The following GRM7 variants were observed in gnomAD, a reference collection of about 807,000 sequenced individuals.
The protein encoded by GRM7 is glutamate metabotropic receptor 7, also known as metabotropic glutamate receptor 7.
Under a neutral mutation model 84.5 loss-of-function variants are expected in GRM7, and 35 were observed. The ratio of observed to expected loss-of-function variants is 0.41; its 90% CI spans 0.32 to 0.55. The LOEUF (loss-of-function observed/expected upper bound fraction) is 0.55, where lower values mean the gene tolerates loss of function less well. Among genes scored for constraint, GRM7 ranks in the 20% least tolerant of loss-of-function variants. The pLI, the probability that GRM7 is intolerant of heterozygous loss-of-function variation, is 0.19. For missense variants in GRM7, 1,003 were observed against 1,194.6 expected (o/e 0.84, Z 2.36); for synonymous variants, 487 against 455.1 (o/e 1.07, Z -0.89).
chr3:7,466,754 T>C (rs1440737763), intron 7 of GRM7, among the ~76,000 whole-genome samples: 1 of 152,246 alleles, frequency 6.6e-6, no homozygotes, highest in Non-Finnish European at 1.5e-5. Context: ...TCTGGATAAC[T>C]GAAGTTCTAC....
intron 8 of GRM7, among the ~76,000 whole-genome samples, chr3:7,665,738 C>G (rs941038081): frequency 6.6e-6 from 1 of 152,120 alleles, no homozygotes; most frequent in Non-Finnish European, 1.5e-5. Flanking sequence ...AAGACCTCAA[C>G]TTTCTTCTTA....
At chr3:7,511,966 A>T (rs1441559158) in intron 7 of GRM7, among the ~76,000 whole-genome samples, 1 of 152,052 alleles carries the variant, frequency 6.6e-6, no homozygotes, top group South Asian at 2.1e-4. Flanking sequence ...ACATAGTGAG[A>T]CACTGTCTCC....
chr3:7,088,215 T>G (rs112023520), intron 1 of GRM7, among the ~76,000 whole-genome samples: 175 of 150,234 alleles, frequency 1.2e-3, no homozygotes, highest in South Asian at 2.1e-3. Context: ...GGGATTGAAC[T>G]GTCCCACAGA....
chr3:7,581,867 T>TTC (rs2125055775), intron 8 of GRM7, among the ~76,000 whole-genome samples: 1 of 152,170 alleles, frequency 6.6e-6, no homozygotes, highest in Admixed American at 6.5e-5. Flanking sequence ...TTATTTTTTT[T>TTC]TTGCAAAATA....
chr3:7,575,519 C>A (rs896435201), intron 7 of GRM7, among the ~76,000 whole-genome samples: 3 of 152,106 alleles, frequency 2.0e-5, no homozygotes, highest in Non-Finnish European at 4.4e-5. Context: ...GCATTTTCAG[C>A]TGATTGTTTC....
chr3:7,397,732 C>T (rs1385175514), intron 4 of GRM7, among the ~76,000 whole-genome samples: 1 of 152,006 alleles, frequency 6.6e-6, no homozygotes, highest in Non-Finnish European at 1.5e-5. Context: ...ATCAGTTGTT[C>T]TCACTTAAGG....
At chr3:7,341,371 ATGT>A (rs3030893) in intron 4 of GRM7, among the ~76,000 whole-genome samples, 49 of 148,780 alleles carry the variant, frequency 3.3e-4, no homozygotes, top group Middle Eastern at 3.4e-3. Flanking sequence ...AATTCAACTC[ATGT>A]TTTTTTTTTG....
chr3:7,570,366 AAGTT>A (rs1476280646), intron 7 of GRM7, among the ~76,000 whole-genome samples: 2 of 152,226 alleles, frequency 1.3e-5, no homozygotes, highest in African/African-American at 4.8e-5. Flanking sequence ...TAAAATAAAA[AAGTT>A]AGTTACTTCG....
At position 6,861,840 on chromosome 3, in the gene GRM7, T is replaced by C; in HGVS notation, c.452T>C (p.Val151Ala). Residue 151 changes from valine (V) to alanine (A), a missense_variant, in exon 1 of 10, where the codon GTT becomes GCT. Physicochemically the swap from Val to Ala is moderately conservative, Grantham distance 64. Coordinates refer to ENST00000357716, the MANE Select transcript of GRM7 (RefSeq NM_000844.4). The surrounding 1 kb of genome is among the most constrained non-coding windows in gnomAD (Gnocchi z 6.4). ...PPVFVKPEKV[V>A]GVIGASGSSV... ...GTTTTCGTCAAGCCGGAGAAAGTAG[T>C]TGGAGTGATTGGGGCTTCGGGGAGT... 3.1e-6 allele frequency: 5 copies of C among 1,614,110 alleles called. No homozygotes were observed. Among genetic ancestry groups the C allele is most frequent in the Non-Finnish European group, 4.2e-6 (5 of 1,180,022 alleles).
At chr3:7,276,805 T>TCCTTCCTTCCTTCCTTCCCTTCC (rs1699086677) in intron 2 of GRM7, among the ~76,000 whole-genome samples, 1 of 1,346 alleles carries the variant, frequency 7.4e-4, no homozygotes, top group African/African-American at 8.7e-4. Flanking sequence ...CTTCCTTCCT[T>TCCTTCCTTCCTTCCTTCCCTTCC]TTTGGTGGTG....
At chr3:7,278,619 T>G (rs1699153807) in intron 2 of GRM7, among the ~76,000 whole-genome samples, 1 of 152,174 alleles carries the variant, frequency 6.6e-6, no homozygotes, top group Admixed American at 6.5e-5. Context: ...TGTTTATACT[T>G]GGTATTTACC....
chr3:7,291,584 G>T (rs1426066978), intron 2 of GRM7, among the ~76,000 whole-genome samples: 1 of 146,208 alleles, frequency 6.8e-6, no homozygotes, highest in Non-Finnish European at 1.5e-5. Flanking sequence ...TTTTACCAAG[G>T]GAGTAAAACT....
At chr3:7,060,675 C>A (rs558385775) in intron 1 of GRM7, among the ~76,000 whole-genome samples, 9 of 151,850 alleles carry the variant, frequency 5.9e-5, no homozygotes, top group African/African-American at 2.2e-4. Context: ...ATTATGCTGA[C>A]TCAAATGGCT....
intron 1 of GRM7, among the ~76,000 whole-genome samples, chr3:6,962,045 A>T (rs550342559): frequency 6.6e-6 from 1 of 152,314 alleles, no homozygotes; most frequent in South Asian, 2.1e-4. Context: ...AATTCACTGC[A>T]ACTGAGGTTT....
intron 1 of GRM7, among the ~76,000 whole-genome samples, chr3:6,927,368 C>T (rs1697333577): frequency 6.6e-6 from 1 of 151,668 alleles, no homozygotes; most frequent in Non-Finnish European, 1.5e-5. Flanking sequence ...GCAGAAGTTG[C>T]AGTGAGCCGA....
intron 4 of GRM7, among the ~76,000 whole-genome samples, chr3:7,357,645 C>T (rs1033284196): frequency 6.6e-6 from 1 of 152,092 alleles, no homozygotes; most frequent in African/African-American, 2.4e-5. Flanking sequence ...CGAATAGCTT[C>T]CTGCAGAAGG....
chr3:7,561,473 T>G (rs1694024511), intron 7 of GRM7: 2 of 456,074 alleles, frequency 4.4e-6, no homozygotes, highest in South Asian at 3.1e-5. Context: ...GATAGGAGAA[T>G]TACAAGATGA....
intron 1 of GRM7, among the ~76,000 whole-genome samples, chr3:6,987,948 G>T (rs1285148770): frequency 6.6e-6 from 1 of 150,602 alleles, no homozygotes; most frequent in African/African-American, 2.4e-5. Flanking sequence ...TGCATGAACT[G>T]TCCCTGAGAA....
At chr3:7,706,894 T>C (rs1196615693) in intron 9 of GRM7, among the ~76,000 whole-genome samples, 1 of 152,108 alleles carries the variant, frequency 6.6e-6, no homozygotes, top group East Asian at 1.9e-4. Context: ...ACTATCTGGC[T>C]AGGAGGAGGC....
Sources: allele counts gnomAD v4.1 joint callset (sites outside exome capture counted in the v4.1 genomes callset), GRCh38; gene constraint gnomAD v4.1.1; non-coding constraint Gnocchi (gnomAD v3.1); transcripts MANE v1.5; gene names NCBI Gene and HGNC (gene_info 2026-07-23, HGNC 2026-07-21).